Variants in STPG2 observed in about 807,000 individuals in gnomAD.
The protein encoded by STPG2 is sperm-tail PG-rich repeat-containing protein 2.
STPG2 carries 56 observed loss-of-function variants against 54.2 expected under a neutral mutation model. That is an observed-to-expected ratio of 1.03 (90% CI 0.83 to 1.29). The LOEUF is 1.29. Ranked by LOEUF, STPG2 falls within the 50% of genes most tolerant of loss-of-function variation. The probability of loss-of-function intolerance (pLI) is 0.00; values close to 1 mark genes in which losing one functional copy is unlikely to be tolerated. For missense variants in STPG2, 596 were observed against 544.9 expected (o/e 1.09, Z -0.93); for synonymous variants, 200 against 181.8 (o/e 1.10, Z -0.81).
chr4:97,614,323 A>G (rs1177102003), intron 10 of STPG2, among the ~76,000 whole-genome samples: 1 of 151,952 alleles, frequency 6.6e-6, no homozygotes, highest in Non-Finnish European at 1.5e-5. Context: ...AAGATTAGGA[A>G]ACAAAAAGAA....
intron 8 of STPG2, among the ~76,000 whole-genome samples, chr4:97,905,397 A>T (rs1346726951): frequency 6.6e-6 from 1 of 152,118 alleles, no homozygotes; most frequent in East Asian, 1.9e-4. Context: ...TTTACAGACA[A>T]GCAAATGCTG....
At chr4:97,963,075 C>T (rs1014947284) in intron 7 of STPG2, among the ~76,000 whole-genome samples, 1 of 152,138 alleles carries the variant, frequency 6.6e-6, no homozygotes, top group African/African-American at 2.4e-5. Flanking sequence ...AGGAGAAATG[C>T]TTGAACCCGG....
rs1257291784 is a variant in STPG2 at position 97,486,898 on chromosome 4, A to ACAC, written c.462+225800_462+225801insGTG. ...ACACACACACACACACACACACACAATGGAATACTACTCAGCCATAAAAAA... is the reference window on the plus strand; with the variant it reads ...ACACACACACACACACACACACACAACACTGGAATACTACTCAGCCATAAAAAA... On this transcript the variant is annotated intron_variant, in intron 4 of 4. Coordinates refer to the STPG2 transcript ENST00000522676. Among the ~76,000 whole-genome samples the ACAC allele has an allele frequency of 1.2e-3, 154 of 125,390 alleles. 2 individuals are homozygous for ACAC. Among genetic ancestry groups the ACAC allele is most frequent in the African/African-American group, 4.9e-3 (152 of 30,732 alleles). The allele number at this position is 125,390 out of a possible 152,430, so 82.3% of individuals were successfully genotyped here. A position where few individuals can be genotyped will look rare whatever the true frequency, so the allele number is the denominator to read the frequency against.
At chr4:97,583,664 A>C (rs1445537846) in intron 10 of STPG2, among the ~76,000 whole-genome samples, 1 of 151,920 alleles carries the variant, frequency 6.6e-6, no homozygotes, top group Non-Finnish European at 1.5e-5. Flanking sequence ...ACATAAACTT[A>C]AGGTAAAGAG....
Position 98,094,442 on chromosome 4 carries a change from A to G in STPG2, c.612+11511T>C, listed in dbSNP as rs185452409. Among the ~76,000 whole-genome samples, 5 of 152,300 alleles carry G rather than the reference A, an allele frequency of 3.3e-5. No individual in the cohort carries two copies. The East Asian group carries it at 9.7e-4, about 29-fold the overall frequency. On this transcript the variant is annotated intron_variant, in intron 5 of 10. Transcript: ENST00000295268. ...CAGCACATTCCCAGCTGTGGTGGCTACAGTGAAAGACTCATTCTGTTTTTA... is the reference window on the plus strand; with the variant it reads ...CAGCACATTCCCAGCTGTGGTGGCTGCAGTGAAAGACTCATTCTGTTTTTA...
intron 9 of STPG2, among the ~76,000 whole-genome samples, chr4:97,773,994 GGTGTGTGT>G (rs34968031): frequency 2.4e-4 from 36 of 147,250 alleles, no homozygotes; most frequent in Admixed American, 4.8e-4. Flanking sequence ...TAAAATATAG[GGTGTGTGT>G]GTGTGTGTGT....
intron 7 of STPG2, among the ~76,000 whole-genome samples, chr4:97,959,404 A>G (rs911195771): frequency 6.6e-6 from 1 of 152,078 alleles, no homozygotes; most frequent in African/African-American, 2.4e-5. Context: ...AACTATACAA[A>G]AGATAAATGA....
At chr4:97,908,282 C>T (rs1731528751) in intron 8 of STPG2, among the ~76,000 whole-genome samples, 1 of 151,988 alleles carries the variant, frequency 6.6e-6, no homozygotes, top group Admixed American at 6.6e-5. Context: ...CATCACTGGC[C>T]ATCAGAGAAA....
intron 5 of STPG2, among the ~76,000 whole-genome samples, chr4:97,986,230 CT>C (rs960376049): frequency 3.4e-4 from 52 of 152,288 alleles, no homozygotes; most frequent in African/African-American, 1.1e-3. Context: ...GGTTAATATT[CT>C]TCCCAAGTTA....
intron 9 of STPG2, among the ~76,000 whole-genome samples, chr4:97,733,057 A>G (rs992388965): frequency 2.6e-5 from 4 of 152,096 alleles, no homozygotes; most frequent in African/African-American, 4.8e-5. Context: ...GAGTAGATCT[A>G]CCATTCAATC....
intron 4 of STPG2, among the ~76,000 whole-genome samples, chr4:97,490,509 C>A (rs2148826803): frequency 6.6e-6 from 1 of 151,658 alleles, no homozygotes; most frequent in Non-Finnish European, 1.5e-5. Context: ...TCTATCTGTA[C>A]ATTCCCACTA....
chr4:98,070,428 C>G (rs752442860), intron 5 of STPG2, among the ~76,000 whole-genome samples: 3 of 151,944 alleles, frequency 2.0e-5, no homozygotes, highest in Non-Finnish European at 4.4e-5. Context: ...TGGGCAAAAG[C>G]TAGAGGCATT....
intron 8 of STPG2, among the ~76,000 whole-genome samples, chr4:97,850,856 A>C (rs1457477895): frequency 6.6e-6 from 1 of 152,168 alleles, no homozygotes; most frequent in African/African-American, 2.4e-5. Context: ...GTTAGCAAGA[A>C]AGAAAGAATG....
At chr4:97,795,964 T>G (rs1274213269) in intron 9 of STPG2, among the ~76,000 whole-genome samples, 1 of 152,216 alleles carries the variant, frequency 6.6e-6, no homozygotes, top group Non-Finnish European at 1.5e-5. Flanking sequence ...TGATGAGCAT[T>G]TTTTCATGTG....
At chr4:98,005,602 C>A (rs2081621) in intron 5 of STPG2, among the ~76,000 whole-genome samples, 59,953 of 151,906 alleles carry the variant, frequency 0.39, 12,055 homozygotes, top group Middle Eastern at 0.47. Context: ...GAATTTTGTC[C>A]AACACTTTTT....
At chr4:97,941,826 TG>T (rs1236975956) in intron 8 of STPG2, among the ~76,000 whole-genome samples, 1 of 152,012 alleles carries the variant, frequency 6.6e-6, no homozygotes, top group African/African-American at 2.4e-5. Flanking sequence ...TACACCCACC[TG>T]TTTGAAGTGT....
At chr4:97,561,947 C>T (rs1194128422) in intron 10 of STPG2, among the ~76,000 whole-genome samples, 2 of 152,030 alleles carry the variant, frequency 1.3e-5, no homozygotes, top group African/African-American at 4.8e-5. Context: ...TCCATATGAA[C>T]TTTAAAGTAG....
chr4:98,029,360 T>C (rs1264106556), intron 5 of STPG2, among the ~76,000 whole-genome samples: 1 of 152,178 alleles, frequency 6.6e-6, no homozygotes, highest in Non-Finnish European at 1.5e-5. Flanking sequence ...TCTGAATCTC[T>C]ATACATGCAT....
intron 10 of STPG2, among the ~76,000 whole-genome samples, chr4:97,695,146 G>A (rs747560015): frequency 7.3e-5 from 11 of 149,860 alleles, no homozygotes; most frequent in Admixed American, 1.3e-4. Context: ...ATAATCCACC[G>A]TGATCAAGTG....
Sources: gnomAD v4.1 joint callset for allele counts (sites outside exome capture counted in the v4.1 genomes callset) on GRCh38, gnomAD v4.1.1 for gene constraint, MANE v1.5 for transcripts, NCBI Gene and HGNC (gene_info 2026-07-23, HGNC 2026-07-21) for gene names.